CNTNAP2: variants seen among roughly 807,000 people sequenced by gnomAD.
CNTNAP2 encodes contactin-associated protein-like 2.
CNTNAP2 carries 98 observed loss-of-function variants against 155.2 expected under a neutral mutation model. The ratio of observed to expected loss-of-function variants is 0.63; its 90% confidence interval spans 0.54 to 0.75. CNTNAP2 has a LOEUF of 0.75. Among genes scored for constraint, CNTNAP2 ranks in the 30% least tolerant of loss-of-function variants. CNTNAP2 has a pLI of 0.00. For synonymous variants in CNTNAP2, 651 were observed against 631.2 expected (o/e 1.03, Z -0.47); for missense variants, 1,727 against 1,688.1 (o/e 1.02, Z -0.40).
At chr7:146,843,696 T>C (rs528092151) in intron 3 of CNTNAP2, among the ~76,000 whole-genome samples, 9 of 151,994 alleles carry the variant, frequency 5.9e-5, no homozygotes, top group Non-Finnish European at 1.0e-4. Context: ...CTACGTCTTA[T>C]CATTCATTAA....
intron 1 of CNTNAP2, among the ~76,000 whole-genome samples, chr7:146,691,223 A>T (rs140179499): frequency 1.3e-4 from 20 of 151,760 alleles, no homozygotes; most frequent in African/African-American, 4.6e-4. Flanking sequence ...AAAGCCACTA[A>T]TTTGGATCTG....
intron 8 of CNTNAP2, among the ~76,000 whole-genome samples, chr7:147,259,421 A>G (rs1428034886): frequency 6.6e-6 from 1 of 152,216 alleles, no homozygotes; most frequent in African/African-American, 2.4e-5. Context: ...ATGTATAAAT[A>G]GGAAAAATAT....
At chr7:147,693,272 G>T (rs1392955512) in intron 13 of CNTNAP2, among the ~76,000 whole-genome samples, 1 of 152,008 alleles carries the variant, frequency 6.6e-6, no homozygotes, top group East Asian at 1.9e-4. Flanking sequence ...TTTAAACTTG[G>T]ATAGTGTCAG....
At chr7:146,167,924 C>T (rs146236837) in intron 1 of CNTNAP2, among the ~76,000 whole-genome samples, 24 of 152,162 alleles carry the variant, frequency 1.6e-4, no homozygotes, top group Non-Finnish European at 2.9e-4. Flanking sequence ...GCTGAAGGCC[C>T]GAGATTCCCC....
chr7:147,177,676 C>T (rs1802376670), intron 8 of CNTNAP2, among the ~76,000 whole-genome samples: 1 of 152,046 alleles, frequency 6.6e-6, no homozygotes, highest in Admixed American at 6.6e-5. Flanking sequence ...TCTCTTCAAA[C>T]CAAAATATAG....
chr7:147,636,142 G>C (rs1052905942), intron 12 of CNTNAP2, among the ~76,000 whole-genome samples: 3 of 139,854 alleles, frequency 2.1e-5, no homozygotes, highest in African/African-American at 1.0e-4. Context: ...AAGGAAGGCA[G>C]TTACAAAGAG....
chr7:147,987,494 G>T (rs1225912520), intron 15 of CNTNAP2, among the ~76,000 whole-genome samples: 2 of 152,158 alleles, frequency 1.3e-5, no homozygotes, highest in Non-Finnish European at 2.9e-5. Flanking sequence ...ACGTGAATGA[G>T]CTGATGCCAG....
chr7:147,345,798 T>G (rs1795844422), intron 9 of CNTNAP2, among the ~76,000 whole-genome samples: 1 of 152,216 alleles, frequency 6.6e-6, no homozygotes, highest in South Asian at 2.1e-4. Flanking sequence ...TGGAATTACA[T>G]TTAAATTTAT....
chr7:147,482,016 G>A (rs1446739979), intron 10 of CNTNAP2, among the ~76,000 whole-genome samples: 1 of 151,932 alleles, frequency 6.6e-6, no homozygotes, highest in African/African-American at 2.4e-5. Flanking sequence ...GTTTCTTGGT[G>A]GTGTAACATT....
intron 13 of CNTNAP2, among the ~76,000 whole-genome samples, chr7:147,718,300 C>T (rs540796164): frequency 3.9e-4 from 59 of 152,068 alleles, no homozygotes; most frequent in Admixed American, 1.6e-3. Flanking sequence ...TGTATGAGCA[C>T]GTACTACACA....
chr7:147,068,619 A>G (rs1015588735), intron 4 of CNTNAP2, among the ~76,000 whole-genome samples: 2 of 152,162 alleles, frequency 1.3e-5, no homozygotes, highest in Admixed American at 1.3e-4. Flanking sequence ...AGCCTCCCAA[A>G]GTGCTGGAAC....
At chr7:146,729,721 A>G (rs976317810) in intron 1 of CNTNAP2, among the ~76,000 whole-genome samples, 3 of 152,082 alleles carry the variant, frequency 2.0e-5, no homozygotes, top group African/African-American at 7.2e-5. Flanking sequence ...GGTTGTTCTT[A>G]TCTCTTTATT....
In CNTNAP2 at chr7:148,400,433, G is replaced by A. The variant is rs539694567; in HGVS notation, c.3716-8958G>A. Reference sequence around the variant, plus strand: ...CATGAATTCATAAACTCCCTGCAGCGGAAAGGAAAAGAAGCCGCGACAAAC... The same window carrying A: ...CATGAATTCATAAACTCCCTGCAGCAGAAAGGAAAAGAAGCCGCGACAAAC... On this transcript the variant is annotated intron_variant, in intron 22 of 23. Coordinates refer to ENST00000361727, the MANE Select transcript of CNTNAP2 (RefSeq NM_014141.6). Among the ~76,000 whole-genome samples the A allele has an allele frequency of 5.3e-5, 8 of 152,194 alleles. 1 individual carries two copies. In the South Asian group the frequency reaches 6.2e-4, roughly 12 times the overall value.
At chr7:147,104,587 C>T (rs2215342) in intron 4 of CNTNAP2, among the ~76,000 whole-genome samples, 2,426 of 151,218 alleles carry the variant, frequency 0.016, 65 homozygotes, top group African/African-American at 0.056. Context: ...GATGGGGAAA[C>T]GGTATTAAAA....
Position 148,341,656 on chromosome 7 carries a change from C to T in CNTNAP2, c.3476-41993C>T, listed in dbSNP as rs531950251. ...CTAAGCTCATGGTCTTTCTATACTA[C>T]CTTAGTAGTATAGAAATGTTCTAAC... On this transcript the variant is annotated intron_variant, in intron 21 of 23. Coordinates refer to ENST00000361727, the MANE Select transcript of CNTNAP2 (RefSeq NM_014141.6). Among the ~76,000 whole-genome samples, 7 of 152,204 alleles carry T rather than the reference C, an allele frequency of 4.6e-5. No individual in the cohort carries two copies. In the East Asian group the frequency reaches 1.2e-3, roughly 25 times the overall value.
intron 1 of CNTNAP2, among the ~76,000 whole-genome samples, chr7:146,188,222 A>T (rs1408217524): frequency 6.6e-6 from 1 of 152,200 alleles, no homozygotes; most frequent in Non-Finnish European, 1.5e-5. Flanking sequence ...TGAGTGACTG[A>T]TACTGAATTC....
chr7:147,764,573 G>C (rs1254356424), intron 13 of CNTNAP2, among the ~76,000 whole-genome samples: 1 of 152,128 alleles, frequency 6.6e-6, no homozygotes, highest in Admixed American at 6.5e-5. Context: ...ATTGAACATA[G>C]AATTGTCTAC....
chr7:146,178,441 C>T (rs1042007417), intron 1 of CNTNAP2, among the ~76,000 whole-genome samples: 1 of 152,126 alleles, frequency 6.6e-6, no homozygotes, highest in Non-Finnish European at 1.5e-5. Context: ...GAACATGCTA[C>T]AAAGAGTAAA....
chr7:146,952,136 A>G (rs1030238159), intron 3 of CNTNAP2, among the ~76,000 whole-genome samples: 6 of 152,178 alleles, frequency 3.9e-5, no homozygotes, highest in Non-Finnish European at 8.8e-5. Context: ...ACACAAATCA[A>G]TAGACATAAT....
Sources: allele counts gnomAD v4.1 joint callset (sites outside exome capture counted in the v4.1 genomes callset), GRCh38; gene constraint gnomAD v4.1.1; transcripts MANE v1.5; gene names NCBI Gene and HGNC (gene_info 2026-07-23, HGNC 2026-07-21).